Variants in CAMK1D observed in about 807,000 individuals in gnomAD.
CAMK1D encodes calcium/calmodulin dependent protein kinase ID.
CAMK1D carries 9 observed loss-of-function variants against 47.7 expected under a neutral mutation model. The ratio of observed to expected loss-of-function variants is 0.19; its 90% CI spans 0.11 to 0.33. The LOEUF is 0.33. Ranked by LOEUF, CAMK1D falls within the 10% of genes least tolerant of loss-of-function variation. The probability of loss-of-function intolerance (pLI) is 1.00; values close to 1 mark genes in which losing one functional copy is unlikely to be tolerated. For synonymous variants in CAMK1D, 184 were observed against 184.9 expected, an observed-to-expected ratio of 0.99 and a Z score of 0.04; for missense variants, 291 against 488.7, an observed-to-expected ratio of 0.60 and a Z score of 3.81.
intron 1 of CAMK1D, among the ~76,000 whole-genome samples, chr10:12,503,536 C>T (rs936086269): frequency 6.6e-6 from 1 of 152,074 alleles, no homozygotes; most frequent in African/African-American, 2.4e-5. Context: ...TGGGCAAGAG[C>T]GGGCTCCCAG....
At chr10:12,787,449 G>A (rs1032623214) in intron 5 of CAMK1D, among the ~76,000 whole-genome samples, 1 of 152,194 alleles carries the variant, frequency 6.6e-6, no homozygotes, top group Admixed American at 6.5e-5. Context: ...CATCCACGAT[G>A]CTGGAGAACT....
intron 2 of CAMK1D, among the ~76,000 whole-genome samples, chr10:12,553,794 G>A (rs558435234): frequency 6.6e-6 from 1 of 152,302 alleles, no homozygotes; most frequent in African/African-American, 2.4e-5. Context: ...CTCAGTAAAG[G>A]TCTGTGCTGT....
At position 12,722,226 on chromosome 10, in the gene CAMK1D, G is replaced by A. The variant is rs569148276; in HGVS notation, c.300-38722G>A. On this transcript the variant is annotated intron_variant, in intron 3 of 10. Transcript: ENST00000619168. The stretch of plus-strand genomic sequence containing the variant: ...TGGGAGGCTGAGGCGGGCGGATCAC[G>A]AAGTCTGGAGATCGAGACCATCCCG... 3.3e-3 allele frequency among the ~76,000 whole-genome samples: 508 copies of A among 152,046 alleles called. 5 individuals are homozygous for A. The highest frequency in any genetic ancestry group is 6.2e-3 in the Non-Finnish European group (423 of 67,980).
At chr10:12,735,944 A>C (rs1189844496) in intron 3 of CAMK1D, among the ~76,000 whole-genome samples, 2 of 152,214 alleles carry the variant, frequency 1.3e-5, no homozygotes, top group African/African-American at 4.8e-5. Context: ...CTGTAGGCAC[A>C]TGGAGGAATT....
In CAMK1D at chr10:12,735,499, A is replaced by G. The variant is rs550191062; in HGVS notation, c.300-25449A>G. On this transcript the variant is annotated intron_variant, in intron 3 of 10. Transcript: ENST00000619168. ...TCTCAAAAAAAAAAGAAAAGAAAGT[A>G]TCTTTTTTTCAATTCAGGGAGCAAG... Among the ~76,000 whole-genome samples, 399 of 152,234 alleles carry G rather than the reference A, an allele frequency of 2.6e-3. 3 individuals are homozygous for G. The highest frequency in any genetic ancestry group is 9.4e-3 in the African/African-American group (389 of 41,556).
At chr10:12,700,716 A>G (rs532141991) in intron 3 of CAMK1D, among the ~76,000 whole-genome samples, 12 of 152,340 alleles carry the variant, frequency 7.9e-5, no homozygotes, top group African/African-American at 2.9e-4. Context: ...GCAGGAAGGC[A>G]CAGTGTCATC....
At chr10:12,393,387 T>C (rs747917468) in intron 1 of CAMK1D, among the ~76,000 whole-genome samples, 10 of 152,150 alleles carry the variant, frequency 6.6e-5, no homozygotes, top group Non-Finnish European at 1.3e-4. Flanking sequence ...ATGCAACTCA[T>C]GGTGCTAGGC....
chr10:12,425,799 A>G (rs905445114), intron 1 of CAMK1D, among the ~76,000 whole-genome samples: 2 of 152,258 alleles, frequency 1.3e-5, no homozygotes, highest in Non-Finnish European at 2.9e-5. Flanking sequence ...TATGGGCGAG[A>G]CAGAAGTGGG....
In CAMK1D at chr10:12,616,489, A is replaced by G. The variant is rs1838820587; in HGVS notation, c.225-50247A>G. Among the ~76,000 whole-genome samples, 3 of 142,034 alleles carry G rather than the reference A, an allele frequency of 2.1e-5. No individual in the cohort carries two copies. The Admixed American group carries it at 2.2e-4, about 10-fold the overall frequency. 93.2% of individuals were successfully genotyped at this position (142,034 alleles called of 152,430 possible). A position where few individuals can be genotyped will look rare whatever the true frequency, so the allele number is the denominator to read the frequency against. Reference sequence around the variant, plus strand: ...AATCCAAAGGACAGAGAGGTCAAGTATCTTTTTGTTTGTTTGTTTTTTGTT... The same window carrying G: ...AATCCAAAGGACAGAGAGGTCAAGTGTCTTTTTGTTTGTTTGTTTTTTGTT... On this transcript the variant is annotated intron_variant, in intron 2 of 10. Transcript: ENST00000619168.
intron 1 of CAMK1D, among the ~76,000 whole-genome samples, chr10:12,540,922 G>GT (rs200320640): frequency 0.51 from 73,731 of 144,854 alleles, 19,260 homozygotes; most frequent in South Asian, 0.61. Context: ...TGAGTTATAG[G>GT]TTTTTTTTTT....
intron 3 of CAMK1D, among the ~76,000 whole-genome samples, chr10:12,692,270 A>G (rs1305204329): frequency 1.3e-5 from 2 of 152,206 alleles, no homozygotes; most frequent in East Asian, 3.8e-4. Flanking sequence ...TATTGATGCA[A>G]GACAAATAAG....
At chr10:12,466,370 T>C (rs11814691) in intron 1 of CAMK1D, among the ~76,000 whole-genome samples, 1 of 152,280 alleles carries the variant, frequency 6.6e-6, no homozygotes, top group East Asian at 1.9e-4. Context: ...ATCGCACCAC[T>C]GCACTCCAGC....
At chr10:12,603,787 A>G (rs1478068232) in intron 2 of CAMK1D, among the ~76,000 whole-genome samples, 1 of 151,848 alleles carries the variant, frequency 6.6e-6, no homozygotes, top group Non-Finnish European at 1.5e-5. Context: ...CACATCTCCA[A>G]CCAGTCATGA....
chr10:12,379,687 A>G (rs1248108879), intron 1 of CAMK1D, among the ~76,000 whole-genome samples: 3 of 152,096 alleles, frequency 2.0e-5, no homozygotes, highest in African/African-American at 7.2e-5. Context: ...CTGGAGGCGG[A>G]GGTTGCAGTG....
intron 3 of CAMK1D, among the ~76,000 whole-genome samples, chr10:12,729,048 T>A (rs1834776054): frequency 6.6e-6 from 1 of 152,232 alleles, no homozygotes; most frequent in African/African-American, 2.4e-5. Context: ...AGTTCTTCCT[T>A]ACTAAAGTTA....
intron 3 of CAMK1D, among the ~76,000 whole-genome samples, chr10:12,721,117 A>G (rs903721959): frequency 1.3e-4 from 20 of 151,286 alleles, no homozygotes; most frequent in African/African-American, 4.4e-4. Flanking sequence ...CGCATGCCCA[A>G]TCAGCGAGAT....
At chr10:12,799,767 G>A (rs1369677250) in intron 6 of CAMK1D, among the ~76,000 whole-genome samples, 2 of 152,138 alleles carry the variant, frequency 1.3e-5, no homozygotes, top group South Asian at 2.1e-4. Context: ...CTGCACACAT[G>A]CTCCGGGCTT....
intron 1 of CAMK1D, among the ~76,000 whole-genome samples, chr10:12,548,739 A>G (rs547333628): frequency 6.6e-6 from 1 of 152,226 alleles, no homozygotes; most frequent in South Asian, 2.1e-4. Flanking sequence ...TGCTGGGATT[A>G]TAGGCATGAG....
chr10:12,547,637 A>ACCC (rs1269034884), intron 1 of CAMK1D, among the ~76,000 whole-genome samples: 25 of 55,794 alleles, frequency 4.5e-4, no homozygotes, highest in African/African-American at 2.5e-3. Flanking sequence ...TGTCACGAGG[A>ACCC]CACCCCCCCC....
Sources: gnomAD v4.1 joint callset for allele counts (sites outside exome capture counted in the v4.1 genomes callset) on GRCh38, gnomAD v4.1.1 for gene constraint, MANE v1.5 for transcripts, NCBI Gene and HGNC (gene_info 2026-07-23, HGNC 2026-07-21) for gene names.